TRAPPC3L: variants seen among roughly 807,000 people sequenced by gnomAD.
The protein encoded by TRAPPC3L is trafficking protein particle complex subunit 3L, also known as trafficking protein particle complex subunit 3-like protein.
Under a neutral mutation model 23.7 loss-of-function variants are expected in TRAPPC3L, and 23 were observed. That is an observed-to-expected ratio of 0.97 (90% CI 0.70 to 1.37). The LOEUF is 1.37. TRAPPC3L is among the 40% of genes most tolerant of loss of function. The pLI is 0.00. For synonymous variants in TRAPPC3L, 81 were observed against 77.9 expected, an observed-to-expected ratio of 1.04 and a Z score of -0.21; for missense variants, 212 against 216.8, an observed-to-expected ratio of 0.98 and a Z score of 0.14.
intron 1 of TRAPPC3L, among the ~76,000 whole-genome samples, chr6:116,544,601 T>G (rs138635810): frequency 2.2e-4 from 33 of 152,234 alleles, no homozygotes; most frequent in African/African-American, 7.2e-4. Context: ...TATGAATGTA[T>G]CAGGATAAAA....
chr6:116,503,294 GTAAAGGGA>G (rs1023945721), intron 3 of TRAPPC3L, among the ~76,000 whole-genome samples: 9 of 152,040 alleles, frequency 5.9e-5, no homozygotes, highest in African/African-American at 2.2e-4. Flanking sequence ...TTACATAATG[GTAAAGGGA>G]TCAATTCAAC....
intron 3 of TRAPPC3L, among the ~76,000 whole-genome samples, chr6:116,532,627 G>A (rs1207730836): frequency 6.6e-6 from 1 of 152,104 alleles, no homozygotes; most frequent in East Asian, 1.9e-4. Flanking sequence ...CATAACTTTG[G>A]GAAACTGTAT....
chr6:116,525,669 A>G (rs1022267674), intron 3 of TRAPPC3L, among the ~76,000 whole-genome samples: 3 of 152,264 alleles, frequency 2.0e-5, no homozygotes, highest in African/African-American at 7.2e-5. Flanking sequence ...AAATGGGAAA[A>G]TGAATTAATT....
rs529451519 is a variant in TRAPPC3L, at chr6:116,542,485, C to A, written c.140+818G>T. 2.9e-3 allele frequency among the ~76,000 whole-genome samples: 437 copies of A among 152,086 alleles called. 4 individuals carry two copies. Among genetic ancestry groups the A allele is most frequent in the Non-Finnish European group, 4.8e-3 (326 of 67,988 alleles). ...TCTAAAATGTTAGGCTAAATTTCCC[C>A]TTCAATCTGCCTAGATAAATCTTCT... On this transcript the variant is annotated intron_variant, in intron 2 of 4. Coordinates refer to ENST00000368602, the MANE Select transcript of TRAPPC3L (RefSeq NM_001139444.3).
At chr6:116,499,375 C>T (rs1391243791) in intron 4 of TRAPPC3L, among the ~76,000 whole-genome samples, 1 of 152,132 alleles carries the variant, frequency 6.6e-6, no homozygotes, top group Admixed American at 6.6e-5. Flanking sequence ...GCATTGTTCC[C>T]TCTGATATAC....
intron 1 of TRAPPC3L, among the ~76,000 whole-genome samples, chr6:116,544,755 T>G (rs1773670784): frequency 6.6e-6 from 1 of 152,076 alleles, no homozygotes; most frequent in Non-Finnish European, 1.5e-5. Context: ...CATTTCAAAC[T>G]GAAGTATGCT....
rs577131240 is a variant in TRAPPC3L at position 116,496,662 on chromosome 6, G to C, written c.*292C>G. 2.6e-4 allele frequency: 72 copies of C among 274,120 alleles called. 1 individual carries two copies. Among genetic ancestry groups the C allele is most frequent in the African/African-American group, 1.6e-3 (70 of 44,334 alleles). The allele number at this position is 274,120 out of a possible 1,614,324, so 17.0% of individuals were successfully genotyped here. On this transcript the variant is annotated 3_prime_UTR_variant, in exon 5 of 5. Coordinates refer to ENST00000368602, the MANE Select transcript of TRAPPC3L (RefSeq NM_001139444.3). ...TTTTTCCCATTACCATACGTGAATG[G>C]AATGAACAGCTTCTCTGAGGATGGA...
chr6:116,544,311 A>C (rs1231318747), intron 1 of TRAPPC3L, among the ~76,000 whole-genome samples: 1 of 152,102 alleles, frequency 6.6e-6, no homozygotes, highest in Non-Finnish European at 1.5e-5. Flanking sequence ...CCAAACTGAA[A>C]TAGTGGAATT....
chr6:116,537,261 A>G (rs1252676429), intron 3 of TRAPPC3L, among the ~76,000 whole-genome samples: 1 of 152,188 alleles, frequency 6.6e-6, no homozygotes, highest in Admixed American at 6.5e-5. Flanking sequence ...GAAGGAATTC[A>G]TCAGAATGGT....
Position 116,543,615 on chromosome 6 carries a change from A to G in TRAPPC3L, c.43-215T>C, listed in dbSNP as rs1773594408. 4.7e-6 allele frequency: 3 copies of G among 644,972 alleles called. No individual in the cohort carries two copies. The East Asian group carries it at 8.3e-5, about 18-fold the overall frequency. 40.0% of individuals were successfully genotyped at this position (644,972 alleles called of 1,614,324 possible). A position where few individuals can be genotyped will look rare whatever the true frequency, so the allele number is the denominator to read the frequency against. The stretch of plus-strand genomic sequence containing the variant: ...GGTGGGGGAGAGAGAGCTGTTAAAT[A>G]AAATGAATTTCGTAACATGATAACA... On this transcript the variant is annotated intron_variant, in intron 1 of 4. Coordinates refer to ENST00000368602, the MANE Select transcript of TRAPPC3L (RefSeq NM_001139444.3).
chr6:116,500,586 T>A lies in TRAPPC3L; in HGVS notation c.321A>T (p.Leu107=). ...NSSKNEFSLI[L]EKNPLVEFVE... ...CAAACTCCACCAGGGGATTCTTCTC[T>A]AGAATCAGGGAAAATTCATTTTTGC... Residue 107 remains leucine (L), a synonymous_variant, in exon 4 of 5, where the codon CTA becomes CTT. Transcript: ENST00000368602. 2 of 1,551,640 alleles carry A rather than the reference T, an allele frequency of 1.3e-6. No homozygotes were observed. Among genetic ancestry groups the A allele is most frequent in the Non-Finnish European group, 1.7e-6 (2 of 1,146,938 alleles).
intron 2 of TRAPPC3L, among the ~76,000 whole-genome samples, chr6:116,542,429 A>G (rs1488797426): frequency 2.0e-5 from 3 of 152,162 alleles, no homozygotes; most frequent in Non-Finnish European, 4.4e-5. Context: ...CTGTATTTCA[A>G]CTGAAAATAC....
chr6:116,515,881 C>A (rs778729645), intron 3 of TRAPPC3L: 1 of 1,613,938 alleles, frequency 6.2e-7, no homozygotes, highest in Non-Finnish European at 8.5e-7. Flanking sequence ...TCCACCAAAG[C>A]CAGCAACACT....
At chr6:116,528,410 G>C (rs987228323) in intron 3 of TRAPPC3L, among the ~76,000 whole-genome samples, 3 of 152,110 alleles carry the variant, frequency 2.0e-5, no homozygotes, top group African/African-American at 7.2e-5. Context: ...AGACCAAATG[G>C]GTGAGTGATT....
intron 1 of TRAPPC3L, among the ~76,000 whole-genome samples, chr6:116,544,866 G>A (rs563160579): frequency 9.2e-5 from 14 of 152,096 alleles, no homozygotes; most frequent in Non-Finnish European, 2.1e-4. Flanking sequence ...AAAGTTAACA[G>A]TGAGTTTTTG....
At chr6:116,513,061 AG>A (rs558572222) in intron 3 of TRAPPC3L, among the ~76,000 whole-genome samples, 6 of 152,192 alleles carry the variant, frequency 3.9e-5, no homozygotes, top group Non-Finnish European at 8.8e-5. Context: ...TCCCATTTAT[AG>A]GTAGTAAGAA....
At chr6:116,544,183 A>AGAGAGAGAGAGAGAGAGAGAGAG (rs1773635107) in intron 1 of TRAPPC3L, among the ~76,000 whole-genome samples, 1 of 83,214 alleles carries the variant, frequency 1.2e-5, no homozygotes, top group African/African-American at 3.4e-5. Context: ...GAGAGAGAGA[A>AGAGAGAGAGAGAGAGAGAGAGAG]TGATGAGATT....
intron 3 of TRAPPC3L, among the ~76,000 whole-genome samples, chr6:116,511,306 G>T (rs568479509): frequency 3.3e-5 from 5 of 151,896 alleles, no homozygotes; most frequent in Admixed American, 2.0e-4. Flanking sequence ...TAGGTTTGGA[G>T]ATTTGATTTG....
chr6:116,515,691 A>C (rs760566951), intron 3 of TRAPPC3L: 1 of 1,613,958 alleles, frequency 6.2e-7, no homozygotes, highest in Non-Finnish European at 8.5e-7. Flanking sequence ...AGCTACCTTC[A>C]GCTGAGTTTT....
Sources: allele counts gnomAD v4.1 joint callset (sites outside exome capture counted in the v4.1 genomes callset), GRCh38; gene constraint gnomAD v4.1.1; transcripts MANE v1.5; gene names NCBI Gene and HGNC (gene_info 2026-07-23, HGNC 2026-07-21).